The following ARHGEF7 variants were observed in gnomAD, a reference collection of about 807,000 sequenced individuals.
ARHGEF7 encodes PAK-interacting exchange factor beta.
Under a neutral mutation model 109.8 loss-of-function variants are expected in ARHGEF7, and 33 were observed. The ratio of observed to expected loss-of-function variants is 0.30; its 90% CI spans 0.23 to 0.40. The LOEUF (loss-of-function observed/expected upper bound fraction) is 0.40. Ranked by LOEUF, ARHGEF7 falls within the 10% of genes least tolerant of loss-of-function variation. The pLI, the probability that ARHGEF7 is intolerant of heterozygous loss-of-function variation, is 1.00. For synonymous variants in ARHGEF7, 458 were observed against 424.6 expected, an observed-to-expected ratio of 1.08 and a Z score of -0.97; for missense variants, 938 against 1,098.5, an observed-to-expected ratio of 0.85 and a Z score of 2.07.
At chr13:111,141,077 AC>A (rs1367592212) in intron 1 of ARHGEF7, among the ~76,000 whole-genome samples, 1 of 152,088 alleles carries the variant, frequency 6.6e-6, no homozygotes, top group Admixed American at 6.5e-5. Flanking sequence ...CTTTCAGCCC[AC>A]CCACTTTCCC....
At chr13:111,302,319 C>T (rs1441012514) in intron 21 of ARHGEF7, among the ~76,000 whole-genome samples, 2 of 152,164 alleles carry the variant, frequency 1.3e-5, no homozygotes, top group African/African-American at 4.8e-5. Flanking sequence ...TGGTCCTCTG[C>T]CCAGCTAGGT....
rs200172287 is a variant in ARHGEF7, at chr13:111,283,228, C to T, written c.1815C>T (p.Pro605=). The T allele has an allele frequency of 1.1e-5, 18 of 1,592,762 alleles. No homozygotes were observed. The East Asian group carries it at 2.3e-4, about 20-fold the overall frequency. ...LTPAYHTLPH[P]SHHGTPHTTI... is the part of the protein sequence containing the mutation. ...CCGCCTACCACACGCTGCCCCACCC[C>T]TCCCACCACGGCACCCCGCACACCA... is the stretch of plus-strand genomic sequence containing the variant. Residue 605 remains proline, a synonymous_variant, in exon 16 of 22, where the codon CCC becomes CCT. Transcript: ENST00000646102.
At chr13:111,137,689 A>T (rs1000464699) in intron 1 of ARHGEF7, among the ~76,000 whole-genome samples, 2 of 152,232 alleles carry the variant, frequency 1.3e-5, no homozygotes, top group African/African-American at 4.8e-5. Context: ...TTTTTAAAAT[A>T]AAAAAGAATA....
rs2075559451 is a variant in ARHGEF7 at position 111,145,768 on chromosome 13, C to G, written c.166-8137C>G. Among the ~76,000 whole-genome samples the G allele has an allele frequency of 6.6e-6, 1 of 152,232 alleles. No homozygotes were observed. Among genetic ancestry groups the G allele is most frequent in the African/African-American group, 2.4e-5 (1 of 41,452 alleles). On this transcript the variant is annotated intron_variant, in intron 1 of 21. Coordinates refer to ENST00000646102, the MANE Select transcript of ARHGEF7 (RefSeq NM_001354046.2). This position sits in a 1 kb window ranked among gnomAD's most constrained non-coding sequence, Gnocchi z 4.3. ...AGAGAGCAGGGAAGCCTGGTTGATG[C>G]AGTCCTCAGAGGCTGGTGCAGGTTG...
chr13:111,170,345 G>A (rs2077485559), intron 2 of ARHGEF7, among the ~76,000 whole-genome samples: 2 of 152,212 alleles, frequency 1.3e-5, no homozygotes, highest in East Asian at 1.9e-4. Flanking sequence ...TGATCCACCC[G>A]CCTTGGCCTC....
intron 13 of ARHGEF7, 29 bp from the exon 14 acceptor site, chr13:111,280,243 T>C: frequency 1.3e-6 from 2 of 1,590,452 alleles, no homozygotes; most frequent in Non-Finnish European, 1.7e-6. Context: ...CTAATTGTTT[T>C]TTTTTTTGTG....
chr13:111,296,849 G>A (rs2093438579), intron 19 of ARHGEF7, among the ~76,000 whole-genome samples: 1 of 152,206 alleles, frequency 6.6e-6, no homozygotes, highest in Admixed American at 6.5e-5. Flanking sequence ...ACGATGTGTT[G>A]TGGAACCCCT....
At chr13:111,136,624 T>C (rs913011988) in intron 1 of ARHGEF7, among the ~76,000 whole-genome samples, 2 of 152,306 alleles carry the variant, frequency 1.3e-5, no homozygotes, top group African/African-American at 4.8e-5. Flanking sequence ...TAGCACTAAA[T>C]GCCCACAAGA....
intron 2 of ARHGEF7, among the ~76,000 whole-genome samples, chr13:111,180,006 T>C (rs2078580812): frequency 6.6e-6 from 1 of 152,206 alleles, no homozygotes; most frequent in East Asian, 1.9e-4. Flanking sequence ...GGATGATACT[T>C]TACCCCCAAA....
chr13:111,243,827 T>G (rs201134625), intron 6 of ARHGEF7, 45 bp from the exon 7 acceptor site: 3 of 1,279,630 alleles, frequency 2.3e-6, no homozygotes, highest in African/African-American at 3.0e-5. Context: ...TAGTGTCAAA[T>G]AGCAATTGAA....
intron 10 of ARHGEF7, among the ~76,000 whole-genome samples, chr13:111,274,501 T>G (rs1595428934): frequency 6.6e-6 from 1 of 152,206 alleles, no homozygotes; most frequent in East Asian, 1.9e-4. Context: ...ATGAAGCAAG[T>G]GTTGGCTTCC....
At chr13:111,200,558 A>G (rs1399091135) in intron 2 of ARHGEF7, among the ~76,000 whole-genome samples, 1 of 151,864 alleles carries the variant, frequency 6.6e-6, no homozygotes, top group Non-Finnish European at 1.5e-5. Flanking sequence ...TTCCCAGGTG[A>G]GGAACGGGAC....
At position 111,277,684 on chromosome 13, in the gene ARHGEF7, A is replaced by G. The variant is rs1384127161; in HGVS notation, c.1506+11A>G. On this transcript the variant is annotated intron_variant, in intron 13 of 21. Coordinates refer to ENST00000646102, the MANE Select transcript of ARHGEF7 (RefSeq NM_001354046.2). ...GGCTTTATCTATCAGGTAAAACACA[A>G]TTTAAATTTATATTTTATTGTGGAT... The G allele has an allele frequency of 3.3e-6, 5 of 1,527,728 alleles. No homozygotes were observed. The South Asian group carries it at 5.7e-5, about 17-fold the overall frequency. 94.6% of individuals were successfully genotyped at this position (1,527,728 alleles called of 1,614,324 possible).
At chr13:111,265,541 G>A in intron 8 of ARHGEF7, 1 of 456,694 alleles carries the variant, frequency 2.2e-6, no homozygotes, top group Non-Finnish European at 4.4e-6. Context: ...CACACCCAGA[G>A]ACTGCATGGA....
intron 1 of ARHGEF7, among the ~76,000 whole-genome samples, chr13:111,149,282 C>T (rs1026397161): frequency 1.3e-5 from 2 of 151,702 alleles, no homozygotes; most frequent in Non-Finnish European, 2.9e-5. Context: ...AAGAAATACA[C>T]TTCCAGATAA....
intron 2 of ARHGEF7, among the ~76,000 whole-genome samples, chr13:111,179,457 A>G (rs183506456): frequency 1.4e-4 from 21 of 152,244 alleles, no homozygotes; most frequent in Non-Finnish European, 2.6e-4. Context: ...TTACCTCTGA[A>G]TACTTCAGCA....
intron 16 of ARHGEF7, 102 bp from the exon 17 acceptor site, chr13:111,286,045 A>T: frequency 1.2e-6 from 1 of 803,250 alleles, no homozygotes; most frequent in East Asian, 2.6e-5. Flanking sequence ...ATCAGTGGCT[A>T]TAATAATTTG....
intron 1 of ARHGEF7, among the ~76,000 whole-genome samples, chr13:111,119,300 G>A (rs981772579): frequency 2.0e-5 from 3 of 152,248 alleles, no homozygotes; most frequent in Admixed American, 1.3e-4. Flanking sequence ...CTGAGATACT[G>A]GGGGTTAGGA....
chr13:111,221,494 T>TCTATATAG (rs2084226435), intron 5 of ARHGEF7, among the ~76,000 whole-genome samples: 1 of 59,190 alleles, frequency 1.7e-5, no homozygotes. Flanking sequence ...TATATAGACA[T>TCTATATAG]ATATATATCT....
Sources: allele counts gnomAD v4.1 joint callset (sites outside exome capture counted in the v4.1 genomes callset), GRCh38; gene constraint gnomAD v4.1.1; non-coding constraint Gnocchi (gnomAD v3.1); transcripts MANE v1.5; gene names NCBI Gene and HGNC (gene_info 2026-07-23, HGNC 2026-07-21).